The following ADAT2 variants were observed in gnomAD, a reference collection of about 807,000 sequenced individuals.
ADAT2 encodes the protein tRNA-specific adenosine-34 deaminase catalytic subunit ADAT2.
A neutral mutation model predicts 25.9 loss-of-function variants in ADAT2; 26 were observed. That is an observed-to-expected ratio of 1.00 (90% confidence interval 0.74 to 1.39). The LOEUF (loss-of-function observed/expected upper bound fraction) is 1.39, where lower values mean the gene tolerates loss of function less well. ADAT2 is among the 40% of genes most tolerant of loss of function. The probability of loss-of-function intolerance (pLI) is 0.00; values close to 1 mark genes in which losing one functional copy is unlikely to be tolerated. For missense variants in ADAT2, 220 were observed against 244.8 expected, an observed-to-expected ratio of 0.90 and a Z score of 0.68; for synonymous variants, 76 against 86.8, an observed-to-expected ratio of 0.88 and a Z score of 0.69.
intron 4 of ADAT2, among the ~76,000 whole-genome samples, chr6:143,430,753 G>C (rs187396909): frequency 6.6e-5 from 10 of 152,092 alleles, no homozygotes; most frequent in Admixed American, 5.9e-4. Context: ...TTTTAGTAGA[G>C]ACGGGGTTTC....
intron 4 of ADAT2, among the ~76,000 whole-genome samples, chr6:143,431,572 A>G (rs1298668058): frequency 6.6e-6 from 1 of 152,222 alleles, no homozygotes; most frequent in Non-Finnish European, 1.5e-5. Flanking sequence ...GTAATGTTAA[A>G]CAGCATTTAT....
At chr6:143,447,217 C>A (rs1367696308) in intron 1 of ADAT2, among the ~76,000 whole-genome samples, 1 of 152,100 alleles carries the variant, frequency 6.6e-6, no homozygotes, top group Non-Finnish European at 1.5e-5. Context: ...AACTGAGGAG[C>A]TAGATTTTAT....
chr6:143,445,760 C>T (rs1779582538), intron 1 of ADAT2, among the ~76,000 whole-genome samples: 1 of 152,098 alleles, frequency 6.6e-6, no homozygotes, highest in Non-Finnish European at 1.5e-5. Flanking sequence ...TCTTGCTCAC[C>T]TCTGCAGCCT....
rs1472084592 is a variant in ADAT2 at position 143,436,758 on chromosome 6, T to C, written c.201+1832A>G. On this transcript the variant is annotated intron_variant, in intron 2 of 5. Coordinates refer to ENST00000237283, the MANE Select transcript of ADAT2 (RefSeq NM_182503.3). This position sits in a 1 kb window ranked among gnomAD's most constrained non-coding sequence, Gnocchi z 4.1. ...GGCGGGGGTGGTATGAATTCTTCAT[T>C]TGCCCACAATGTGTTCTGTGATAGT... The C allele has an allele frequency of 6.2e-6, 1 of 162,448 alleles. No homozygotes were observed. The highest frequency in any genetic ancestry group is 1.8e-4 in the East Asian group (1 of 5,444). 10.1% of individuals were successfully genotyped at this position (162,448 alleles called of 1,614,324 possible).
At position 143,427,293 on chromosome 6, in the gene ADAT2, CA is replaced by C. The variant is rs1454103539; in HGVS notation, c.*1169del. The stretch of plus-strand genomic sequence containing the variant: ...GCTCAAATGACAGAACCAACAAATA[CA>C]GATGCTTTGCATCAAGGAAATGAAT... On this transcript the variant is annotated 3_prime_UTR_variant, in exon 6 of 6. Coordinates refer to ENST00000237283, the MANE Select transcript of ADAT2 (RefSeq NM_182503.3). 6.6e-6 allele frequency: 1 copy of C among 152,660 alleles called. No homozygotes were observed. Among genetic ancestry groups the C allele is most frequent in the Non-Finnish European group, 1.5e-5 (1 of 68,040 alleles). The allele number at this position is 152,660 out of a possible 1,614,324, so 9.5% of individuals were successfully genotyped here. A position where few individuals can be genotyped will look rare whatever the true frequency, so the allele number is the denominator to read the frequency against.
rs1779002059 is a variant in ADAT2 at position 143,428,411 on chromosome 6, T to C, written c.*52A>G. ...AACGATGTCAACAGCTTTCAGTCTA[T>C]GAATCTTGTCCAGGTCACTTTGGGT... On this transcript the variant is annotated 3_prime_UTR_variant, in exon 6 of 6. Coordinates refer to ENST00000237283, the MANE Select transcript of ADAT2 (RefSeq NM_182503.3). This position sits in a 1 kb window ranked among gnomAD's most constrained non-coding sequence, Gnocchi z 5.0. 4 of 1,573,984 alleles carry C rather than the reference T, an allele frequency of 2.5e-6. No individual in the cohort carries two copies. Among genetic ancestry groups the C allele is most frequent in the Non-Finnish European group, 3.5e-6 (4 of 1,150,768 alleles).
At chr6:143,429,077 A>G (rs779783180) in intron 4 of ADAT2, among the ~76,000 whole-genome samples, 11 of 152,240 alleles carry the variant, frequency 7.2e-5, no homozygotes, top group Non-Finnish European at 1.2e-4. Context: ...CAGGCACATC[A>G]TAAGTGCTCA....
Position 143,444,905 on chromosome 6 carries a change from A to T in ADAT2, c.96+5658T>A. 1 of 1,296,558 alleles carries T rather than the reference A, an allele frequency of 7.7e-7. No homozygotes were observed. Among genetic ancestry groups the T allele is most frequent in the Non-Finnish European group, 1.0e-6 (1 of 984,004 alleles). The allele number at this position is 1,296,558 out of a possible 1,614,324, so 80.3% of individuals were successfully genotyped here. ...CTGCTTTCTAGTGATGTCATGATAAAAGGGGGAGAGATGGAAACAGACCTT... is the reference window on the plus strand; with the variant it reads ...CTGCTTTCTAGTGATGTCATGATAATAGGGGGAGAGATGGAAACAGACCTT... On this transcript the variant is annotated intron_variant, in intron 1 of 5. Transcript: ENST00000237283. The surrounding 1 kb of genome is among the most constrained non-coding windows in gnomAD (Gnocchi z 4.3).
At position 143,432,335 on chromosome 6, in the gene ADAT2, C is replaced by T. The variant is rs1476188660; in HGVS notation, c.459+170G>A. On this transcript the variant is annotated intron_variant, in intron 4 of 5. Transcript: ENST00000237283. The surrounding 1 kb of genome is among the most constrained non-coding windows in gnomAD (Gnocchi z 4.4). ...TAGGCACTCATCTAGAAACTCTTCCCTGTCATCTTATACTGAGGCATAAAT... is the reference window on the plus strand; with the variant it reads ...TAGGCACTCATCTAGAAACTCTTCCTTGTCATCTTATACTGAGGCATAAAT... Among the ~76,000 whole-genome samples the T allele has an allele frequency of 6.6e-6, 1 of 152,164 alleles. No individual in the cohort carries two copies. The highest frequency in any genetic ancestry group is 1.5e-5 in the Non-Finnish European group (1 of 68,026).
At position 143,428,805 on chromosome 6, in the gene ADAT2, G is replaced by T; in HGVS notation, c.460-121C>A. 2.1e-6 allele frequency: 2 copies of T among 931,362 alleles called. No individual in the cohort carries two copies. Among genetic ancestry groups the T allele is most frequent in the Admixed American group, 2.7e-5 (1 of 36,726 alleles). The allele number at this position is 931,362 out of a possible 1,614,324, so 57.7% of individuals were successfully genotyped here. A position where few individuals can be genotyped will look rare whatever the true frequency, so the allele number is the denominator to read the frequency against. On this transcript the variant is annotated intron_variant, in intron 4 of 5. Transcript: ENST00000237283. This position sits in a 1 kb window ranked among gnomAD's most constrained non-coding sequence, Gnocchi z 5.0. ...GATTTCAGATGTTAATAAACTTTGG[G>T]GATATTAGTAACATGGGTAAGGAGG...
chr6:143,449,577 A>G lies in ADAT2; in HGVS notation c.96+986T>C, dbSNP rs111338904. ...AAAAAAAGTACTTGTTAGGAGGGCT[A>G]CATGTCACTGGGCAACAGGAACTTT... On this transcript the variant is annotated intron_variant, in intron 1 of 5. Transcript: ENST00000237283. Among the ~76,000 whole-genome samples, 4 of 152,318 alleles carry G rather than the reference A, an allele frequency of 2.6e-5. No individual in the cohort carries two copies. In the East Asian group the frequency reaches 7.7e-4, roughly 29 times the overall value.
rs142418910 is a variant in ADAT2, at chr6:143,443,857, A to C, written c.97-5163T>G. On this transcript the variant is annotated intron_variant, in intron 1 of 5. Coordinates refer to ENST00000237283, the MANE Select transcript of ADAT2 (RefSeq NM_182503.3). Reference sequence around the variant, plus strand: ...AAAAAAAAAAAAGTTAAAAAAAAAAACAAAAACGGCAAGAGAATAAACAAA... The same window carrying C: ...AAAAAAAAAAAAGTTAAAAAAAAAACCAAAAACGGCAAGAGAATAAACAAA... Among the ~76,000 whole-genome samples, 304 of 152,000 alleles carry C rather than the reference A, an allele frequency of 2.0e-3. 2 individuals carry two copies. The highest frequency in any genetic ancestry group is 6.6e-3 in the African/African-American group (272 of 41,478).
At position 143,428,717 on chromosome 6, in the gene ADAT2, G is replaced by A. The variant is rs548876682; in HGVS notation, c.460-33C>T. On this transcript the variant is annotated intron_variant, in intron 4 of 5. Coordinates refer to ENST00000237283, the MANE Select transcript of ADAT2 (RefSeq NM_182503.3). The surrounding 1 kb of genome is among the most constrained non-coding windows in gnomAD (Gnocchi z 5.0). ...AATGAGAAAGTTGAGAATAAACATAGGCCTATGAAAATGTGTGCTGTATCC... is the reference window on the plus strand; with the variant it reads ...AATGAGAAAGTTGAGAATAAACATAAGCCTATGAAAATGTGTGCTGTATCC... 6.2e-7 allele frequency: 1 copy of A among 1,600,954 alleles called. No homozygotes were observed. Among genetic ancestry groups the A allele is most frequent in the Admixed American group, 1.7e-5 (1 of 59,594 alleles).
intron 4 of ADAT2, among the ~76,000 whole-genome samples, chr6:143,429,529 A>C (rs1779047703): frequency 6.6e-6 from 1 of 152,222 alleles, no homozygotes. Context: ...ATATTTAAAG[A>C]GGCTAAGCAG....
chr6:143,449,226 T>C (rs990884683), intron 1 of ADAT2, among the ~76,000 whole-genome samples: 2 of 152,136 alleles, frequency 1.3e-5, no homozygotes, highest in Admixed American at 6.5e-5. Context: ...TTTTAAATTT[T>C]TATTTAGTAG....
chr6:143,449,551 GA>G (rs1183405969), intron 1 of ADAT2, among the ~76,000 whole-genome samples: 2 of 152,010 alleles, frequency 1.3e-5, no homozygotes, highest in Non-Finnish European at 2.9e-5. Context: ...GGTCTTAAAG[GA>G]AAAAAAGTAC....
intron 4 of ADAT2, among the ~76,000 whole-genome samples, chr6:143,430,797 C>T (rs951925488): frequency 6.6e-6 from 1 of 152,128 alleles, no homozygotes; most frequent in Non-Finnish European, 1.5e-5. Flanking sequence ...GATCTCCTGA[C>T]CTCATGATCT....
In ADAT2 at chr6:143,423,177, C is replaced by A. The variant is rs1035373206; in HGVS notation, c.*5286G>T. ...AGGGCCAGACGCTAAATATTTTAGG[C>A]CTTTGTGAGTCGCATGGTTTGTCAC... On this transcript the variant is annotated 3_prime_UTR_variant, in exon 6 of 6. Transcript: ENST00000237283. The A allele has an allele frequency of 1.3e-5, 2 of 152,146 alleles. No individual in the cohort carries two copies. Among genetic ancestry groups the A allele is most frequent in the Non-Finnish European group, 2.9e-5 (2 of 68,022 alleles). The allele number at this position is 152,146 out of a possible 1,614,324, so 9.4% of individuals were successfully genotyped here. A position where few individuals can be genotyped will look rare whatever the true frequency, so the allele number is the denominator to read the frequency against.
Position 143,427,424 on chromosome 6 carries a change from C to A in ADAT2, c.*1039G>T, listed in dbSNP as rs750867420. ...TTCTGGGCAGAGGCACACAGTGCGC[C>A]CAGAGGGCTGTGCAAAGCTGCCCTG... On this transcript the variant is annotated 3_prime_UTR_variant, in exon 6 of 6. Coordinates refer to ENST00000237283, the MANE Select transcript of ADAT2 (RefSeq NM_182503.3). The A allele has an allele frequency of 2.6e-5, 4 of 152,274 alleles. No individual in the cohort carries two copies. The highest frequency in any genetic ancestry group is 5.9e-5 in the Non-Finnish European group (4 of 68,054). 9.4% of individuals were successfully genotyped at this position (152,274 alleles called of 1,614,324 possible). A position where few individuals can be genotyped will look rare whatever the true frequency, so the allele number is the denominator to read the frequency against.
Sources: gnomAD v4.1 joint callset for allele counts (sites outside exome capture counted in the v4.1 genomes callset) on GRCh38, gnomAD v4.1.1 for gene constraint, Gnocchi (gnomAD v3.1) non-coding constraint, MANE v1.5 for transcripts, NCBI Gene and HGNC (gene_info 2026-07-23, HGNC 2026-07-21) for gene names.